The following DHRS7 variants were observed in gnomAD, a reference collection of about 807,000 sequenced individuals.
DHRS7 encodes dehydrogenase/reductase SDR family member 7.
A neutral mutation model predicts 38.9 loss-of-function variants in DHRS7; 34 were observed. That is an observed-to-expected ratio of 0.87 (90% CI 0.66 to 1.16). DHRS7 has a LOEUF of 1.16. Ranked by LOEUF, DHRS7 falls within the 50% of genes most tolerant of loss-of-function variation. The pLI is 0.00. For missense variants in DHRS7, 421 were observed against 407.0 expected, an observed-to-expected ratio of 1.03 and a Z score of -0.30; for synonymous variants, 158 against 153.1, an observed-to-expected ratio of 1.03 and a Z score of -0.24.
chr14:60,153,132 C>T lies in DHRS7; in HGVS notation c.440G>A (p.Cys147Tyr), dbSNP rs1273983527. ...NNGGMSQRSL[C>Y]MDTSLDVYRK... ...GTAGACATCCAAGCTGGTATCCATG[C>T]ACAGAGAACGCTGGGACATTCCACC... The change falls in exon 4 of 7, where the codon TGC (cysteine) becomes TAC (tyrosine). Residue 147 changes from cysteine (C) to tyrosine (Y), a missense_variant. Transcript: ENST00000557185. This position sits in a 1 kb window ranked among gnomAD's most constrained non-coding sequence, Gnocchi z 4.4. 3.7e-6 allele frequency: 6 copies of T among 1,614,142 alleles called. No homozygotes were observed. The highest frequency in any genetic ancestry group is 5.1e-6 in the Non-Finnish European group (6 of 1,180,024).
intron 1 of DHRS7, among the ~76,000 whole-genome samples, chr14:60,163,028 T>C (rs530795014): frequency 1.6e-4 from 24 of 151,944 alleles, no homozygotes; most frequent in Admixed American, 6.5e-4. Context: ...AACTTACCCA[T>C]GCGTGGTGGC....
At chr14:60,166,770 AG>A (rs1215146918), upstream of DHRS7, among the ~76,000 whole-genome samples, 1 of 152,158 alleles carries the variant, frequency 6.6e-6, no homozygotes, top group Admixed American at 6.5e-5. Context: ...AATTATTTTC[AG>A]GGTTAATATA....
rs753655500 is a variant in DHRS7, at chr14:60,144,932, C to T, written c.*34G>A. On this transcript the variant is annotated 3_prime_UTR_variant, in exon 7 of 7. Coordinates refer to ENST00000557185, the MANE Select transcript of DHRS7 (RefSeq NM_016029.4). ...TGCTGTTTTCATGTTTTCCATTTCT[C>T]CCTCCAGTGGCTTGAAAAGTACAGG... 45 of 1,554,450 alleles carry T rather than the reference C, an allele frequency of 2.9e-5. No homozygotes were observed. The highest frequency in any genetic ancestry group is 3.8e-5 in the Non-Finnish European group (43 of 1,129,094).
chr14:60,147,171 G>A (rs1182110191), intron 6 of DHRS7: 2 of 152,090 alleles, frequency 1.3e-5, no homozygotes, highest in Admixed American at 6.6e-5. Flanking sequence ...AGGTAGAGAT[G>A]GGAGTGAGCC....
At chr14:60,168,688 C>T, upstream of DHRS7, 1 of 1,555,108 alleles carries the variant, frequency 6.4e-7, no homozygotes, top group African/African-American at 1.4e-5. Context: ...TCTCCCCTCT[C>T]CAGCCAGGAC....
At chr14:60,158,386 A>G (rs185178870) in intron 1 of DHRS7, among the ~76,000 whole-genome samples, 3 of 152,296 alleles carry the variant, frequency 2.0e-5, no homozygotes, top group East Asian at 1.9e-4. Flanking sequence ...ACAACATAAC[A>G]TCTATTCAGA....
At chr14:60,167,603 CA>C (rs1896883936), upstream of DHRS7, among the ~76,000 whole-genome samples, 1 of 152,116 alleles carries the variant, frequency 6.6e-6, no homozygotes, top group East Asian at 1.9e-4. Context: ...TCTTCCATAA[CA>C]AAAGCATTAT....
chr14:60,153,665 C>T lies in DHRS7; in HGVS notation c.393+294G>A, dbSNP rs1338139979. Reference sequence around the variant, plus strand: ...GAACCGATATCACACCACTGCACTCCAGCCTGGGCGACAGAGCAAGACTTT... The same window carrying T: ...GAACCGATATCACACCACTGCACTCTAGCCTGGGCGACAGAGCAAGACTTT... On this transcript the variant is annotated intron_variant, in intron 3 of 6. Transcript: ENST00000557185. The surrounding 1 kb of genome is among the most constrained non-coding windows in gnomAD (Gnocchi z 4.4). Among the ~76,000 whole-genome samples, 1 of 152,100 alleles carries T rather than the reference C, an allele frequency of 6.6e-6. No homozygotes were observed. The highest frequency in any genetic ancestry group is 2.4e-5 in the African/African-American group (1 of 41,354).
rs143360411 is a variant in DHRS7 at position 60,158,623 on chromosome 14, T to A, written c.134-2471A>T. 8.2e-3 allele frequency among the ~76,000 whole-genome samples: 1,247 copies of A among 152,340 alleles called. 9 individuals carry two copies. The highest frequency in any genetic ancestry group is 0.02 in the Middle Eastern group (6 of 294). ...TCCTCCCACCCTGAAGAAACTTTTT[T>A]ATTTAGCACCGTTTGTTTCCCGATT... On this transcript the variant is annotated intron_variant, in intron 1 of 6. Transcript: ENST00000557185.
chr14:60,149,295 T>A, intron 6 of DHRS7, 58 bp downstream of exon 6: 1 of 1,549,682 alleles, frequency 6.5e-7, no homozygotes, highest in Non-Finnish European at 8.9e-7. Flanking sequence ...ACTGGAAAAT[T>A]CTGTACCTTC....
chr14:60,164,478 A>G (rs1896826870), intron 1 of DHRS7, among the ~76,000 whole-genome samples: 1 of 152,170 alleles, frequency 6.6e-6, no homozygotes, highest in Non-Finnish European at 1.5e-5. Context: ...CCTACCTTGT[A>G]AGAGTTGTTG....
chr14:60,144,487 T>C lies in DHRS7; in HGVS notation c.*479A>G, dbSNP rs2140580730. ...TCTTTCCCTTCTGTCCCTTCCACCA[T>C]GTGAGGACATACATTCCTCCACTGT... On this transcript the variant is annotated 3_prime_UTR_variant, in exon 7 of 7. Transcript: ENST00000557185. 6.3e-6 allele frequency: 1 copy of C among 157,622 alleles called. No homozygotes were observed. Among genetic ancestry groups the C allele is most frequent in the African/African-American group, 2.4e-5 (1 of 41,592 alleles). 9.8% of individuals were successfully genotyped at this position (157,622 alleles called of 1,614,324 possible). A position where few individuals can be genotyped will look rare whatever the true frequency, so the allele number is the denominator to read the frequency against.
At chr14:60,154,776 G>T (rs1896622974) in intron 2 of DHRS7, among the ~76,000 whole-genome samples, 1 of 152,246 alleles carries the variant, frequency 6.6e-6, no homozygotes, top group South Asian at 2.1e-4. Flanking sequence ...GGGCACTACA[G>T]ATCTGCAAGA....
chr14:60,164,249 G>A (rs1896822092), intron 1 of DHRS7, among the ~76,000 whole-genome samples: 3 of 105,328 alleles, frequency 2.8e-5, no homozygotes, highest in Admixed American at 1.4e-4. Context: ...CCCCCTCAAC[G>A]CCCAACCCAT....
intron 4 of DHRS7, among the ~76,000 whole-genome samples, chr14:60,152,077 T>C (rs1896557663): frequency 6.6e-6 from 1 of 152,212 alleles, no homozygotes. Flanking sequence ...AAAAAAGATG[T>C]CCTAAAGAAC....
intron 1 of DHRS7, among the ~76,000 whole-genome samples, chr14:60,159,723 ATCT>A (rs1433195363): frequency 6.6e-6 from 1 of 151,960 alleles, no homozygotes; most frequent in Non-Finnish European, 1.5e-5. Flanking sequence ...TACCCTATCC[ATCT>A]TCTTGGGCCC....
rs1170726214 is a variant in DHRS7, at chr14:60,153,820, T to G, written c.393+139A>C. 1.6e-5 allele frequency: 10 copies of G among 626,158 alleles called. No homozygotes were observed. The highest frequency in any genetic ancestry group is 1.7e-5 in the Non-Finnish European group (6 of 353,548). 38.8% of individuals were successfully genotyped at this position (626,158 alleles called of 1,614,324 possible). A position where few individuals can be genotyped will look rare whatever the true frequency, so the allele number is the denominator to read the frequency against. The stretch of plus-strand genomic sequence containing the variant: ...TCCATAATGACAAAGGCTCAGAGAT[T>G]AAGGGGCCCAACTCATGGGCCCGAT... On this transcript the variant is annotated intron_variant, in intron 3 of 6. Transcript: ENST00000557185. The surrounding 1 kb of genome is among the most constrained non-coding windows in gnomAD (Gnocchi z 4.4).
chr14:60,166,192 T>G (rs1374193835), upstream of DHRS7: 2 of 972,356 alleles, frequency 2.1e-6, no homozygotes, highest in Admixed American at 1.2e-4. Flanking sequence ...TGCTTCCCAC[T>G]AAATACCTAC....
upstream of DHRS7, among the ~76,000 whole-genome samples, chr14:60,167,867 C>A (rs3759692): frequency 0.28 from 42,313 of 152,072 alleles, 8,136 homozygotes; most frequent in African/African-American, 0.54. Context: ...AGAGTGCTAA[C>A]GATCTGGGCA....
Sources: allele counts gnomAD v4.1 joint callset (sites outside exome capture counted in the v4.1 genomes callset), GRCh38; gene constraint gnomAD v4.1.1; non-coding constraint Gnocchi (gnomAD v3.1); transcripts MANE v1.5; gene names NCBI Gene and HGNC (gene_info 2026-07-23, HGNC 2026-07-21).